HSPG2: variants seen among roughly 807,000 people sequenced by gnomAD.
HSPG2 encodes the protein basement membrane-specific heparan sulfate proteoglycan core protein.
Under a neutral mutation model 526.6 loss-of-function variants are expected in HSPG2, and 278 were observed. The observed-to-expected ratio is 0.53, with a 90% CI of 0.48 to 0.58. The LOEUF (loss-of-function observed/expected upper bound fraction) is 0.58, where lower values mean the gene tolerates loss of function less well. Ranked by LOEUF, HSPG2 falls within the 20% of genes least tolerant of loss-of-function variation. The probability of loss-of-function intolerance (pLI) is 0.00; values close to 1 mark genes in which losing one functional copy is unlikely to be tolerated. For missense variants in HSPG2, 5,354 were observed against 6,099.5 expected (o/e 0.88, Z 4.07); for synonymous variants, 2,465 against 2,555.4 (o/e 0.96, Z 1.07).
At chr1:21,924,214 G>A (rs549282469) in intron 1 of HSPG2, among the ~76,000 whole-genome samples, 44 of 152,326 alleles carry the variant, frequency 2.9e-4, no homozygotes, top group African/African-American at 1.1e-3. Context: ...GCAGGGAATA[G>A]CCAGGCGCAG....
chr1:21,877,996 C>G (rs1641214026), intron 21 of HSPG2, among the ~76,000 whole-genome samples, 190 bp downstream of exon 21: 1 of 152,262 alleles, frequency 6.6e-6, no homozygotes, highest in Admixed American at 6.5e-5. Context: ...GACTCCCTAA[C>G]CAGTGCTCCT....
Position 21,857,185 on chromosome 1 carries a change from T to A in HSPG2, c.5405A>T (p.Tyr1802Phe). 1 of 1,614,052 alleles carries A rather than the reference T, an allele frequency of 6.2e-7. No homozygotes were observed. The highest frequency in any genetic ancestry group is 8.5e-7 in the Non-Finnish European group (1 of 1,180,006). The change falls in exon 44 of 97, where the codon TAT becomes TTT. Residue 1802 changes from tyrosine (Y) to phenylalanine (F), a missense_variant. Transcript: ENST00000374695. ...GTGCAGGCGGGTCCACACCAGGGTATAGGCTGGGGACTGCAGGGCAAGGCG... is the reference window on the plus strand; with the variant it reads ...GTGCAGGCGGGTCCACACCAGGGTAAAGGCTGGGGACTGCAGGGCAAGGCG... The part of the protein sequence containing the change: ...ICTAKSKSPA[Y>F]TLVWTRLHNG...
At position 21,872,080 on chromosome 1, in the gene HSPG2, C is replaced by A. The variant is rs986215305; in HGVS notation, c.4221+106G>T. On this transcript the variant is annotated intron_variant, in intron 33 of 96. Coordinates refer to ENST00000374695, the MANE Select transcript of HSPG2 (RefSeq NM_005529.7). This position sits in a 1 kb window ranked among gnomAD's most constrained non-coding sequence, Gnocchi z 5.5. ...GGGACTGCAAAAGCCACGTGCCTAA[C>A]CACGATATGGCCATGCAGGTGGCAG... 35 of 1,274,496 alleles carry A rather than the reference C, an allele frequency of 2.7e-5. No individual in the cohort carries two copies. The African/African-American group carries it at 4.3e-4, about 16-fold the overall frequency. The allele number at this position is 1,274,496 out of a possible 1,614,324, so 78.9% of individuals were successfully genotyped here. A position where few individuals can be genotyped will look rare whatever the true frequency, so the allele number is the denominator to read the frequency against.
Position 21,847,982 on chromosome 1 carries a change from T to C in HSPG2, c.7849A>G (p.Ile2617Val). The C allele has an allele frequency of 6.2e-7, 1 of 1,613,666 alleles. No homozygotes were observed. Among genetic ancestry groups the C allele is most frequent in the Non-Finnish European group, 8.5e-7 (1 of 1,179,992 alleles). Residue 2617 changes from isoleucine to valine, a missense_variant, in exon 60 of 97, where the codon ATC (isoleucine) becomes GTC (valine). By Grantham distance (29) the Ile-to-Val change is conservative (BLOSUM62 3). Coordinates refer to ENST00000374695, the MANE Select transcript of HSPG2 (RefSeq NM_005529.7). The surrounding 1 kb of genome is among the most constrained non-coding windows in gnomAD (Gnocchi z 4.1). ...CCGTGGGAGGAACCGCTGCCCTGGA[T>C]GGTGACGATGAGCGAGGTCTCCCGG... Reference protein sequence around the residue: ...GSRETSLIVTIQGSGSSHVPS... With the variant: ...GSRETSLIVTVQGSGSSHVPS...
chr1:21,847,604 G>T lies in HSPG2; in HGVS notation c.8025+85C>A. 1 of 1,605,440 alleles carries T rather than the reference G, an allele frequency of 6.2e-7. No individual in the cohort carries two copies. The highest frequency in any genetic ancestry group is 1.1e-5 in the South Asian group (1 of 90,806). On this transcript the variant is annotated intron_variant, in intron 61 of 96. Transcript: ENST00000374695. The surrounding 1 kb of genome is among the most constrained non-coding windows in gnomAD (Gnocchi z 4.1). The stretch of plus-strand genomic sequence containing the variant: ...TTGAGGCTGCTATCGGTCTACCCAG[G>T]GCCCAATCCGTGAGACAGGGAGCCT...
chr1:21,874,812 G>T, intron 26 of HSPG2, 79 bp downstream of exon 26: 1 of 1,506,184 alleles, frequency 6.6e-7, no homozygotes, highest in Non-Finnish European at 9.1e-7. Context: ...GGGCTGGGGA[G>T]GTGTGGAGGG....
chr1:21,924,436 G>GCAC (rs1644130171), intron 1 of HSPG2, among the ~76,000 whole-genome samples: 1 of 152,188 alleles, frequency 6.6e-6, no homozygotes, highest in African/African-American at 2.4e-5. Context: ...GATATGGTGG[G>GCAC]CTCCTTGAGG....
intron 37 of HSPG2, among the ~76,000 whole-genome samples, chr1:21,863,136 G>C (rs997176050): frequency 1.4e-5 from 2 of 147,536 alleles, no homozygotes; most frequent in African/African-American, 5.0e-5. Context: ...ACTTTGGGAG[G>C]CCAAGGCGGG....
rs777522811 is a variant in HSPG2 at position 21,848,995 on chromosome 1, G to A, written c.7483C>T (p.Pro2495Ser). ...CACACGTACTCCCCTGAATCAGCTG[G>A]GGTCACCTGGAGCAGGCGTAGCCTC... ...GSRLRLLQVTPADSGEYVCRV... is the reference protein window; with the variant it reads ...GSRLRLLQVTSADSGEYVCRV... The change falls in exon 58 of 97, where the codon CCA becomes TCA. Residue 2495 changes from proline (P) to serine (S), a missense_variant. By Grantham distance (74) the Pro-to-Ser change is moderately conservative (BLOSUM62 -1). Transcript: ENST00000374695. The surrounding 1 kb of genome is among the most constrained non-coding windows in gnomAD (Gnocchi z 4.9). The A allele has an allele frequency of 6.2e-7, 1 of 1,614,034 alleles. No individual in the cohort carries two copies. Among genetic ancestry groups the A allele is most frequent in the East Asian group, 2.2e-5 (1 of 44,880 alleles).
rs1457346790 is a variant in HSPG2 at position 21,887,743 on chromosome 1, C to T, written c.704-69G>A. On this transcript the variant is annotated intron_variant, in intron 7 of 96. Coordinates refer to ENST00000374695, the MANE Select transcript of HSPG2 (RefSeq NM_005529.7). The surrounding 1 kb of genome is among the most constrained non-coding windows in gnomAD (Gnocchi z 5.0). ...CCTCACCTGCTCCTTGTCCCCAACC[C>T]TCCCCAGGCCCACCCTGTACTCCCC... 1.9e-5 allele frequency: 31 copies of T among 1,605,692 alleles called. No homozygotes were observed. Among genetic ancestry groups the T allele is most frequent in the Non-Finnish European group, 2.5e-5 (29 of 1,173,264 alleles).
chr1:21,907,423 T>C (rs1643437756), intron 1 of HSPG2, among the ~76,000 whole-genome samples: 1 of 152,174 alleles, frequency 6.6e-6, no homozygotes, highest in African/African-American at 2.4e-5. Context: ...CCCTAGGTCA[T>C]GGCTCTCCAG....
At chr1:21,873,562 G>A (rs992042872) in intron 29 of HSPG2, 138 bp from the exon 30 acceptor site, 13 of 920,966 alleles carry the variant, frequency 1.4e-5, no homozygotes, top group African/African-American at 9.9e-5. Context: ...ATGTTACGGG[G>A]AAACTGGGCA....
intron 3 of HSPG2, among the ~76,000 whole-genome samples, chr1:21,891,143 G>T (rs1642329813): frequency 6.6e-6 from 1 of 152,156 alleles, no homozygotes; most frequent in South Asian, 2.1e-4. Flanking sequence ...GCCCTGGCTG[G>T]GGTAGAGACC....
rs763482207 is a variant in HSPG2 at position 21,824,822 on chromosome 1, C to A, written c.12590-43G>T. Reference sequence around the variant, plus strand: ...GTGGTGCCATACCTGCTGCATCAGGCATCAAAATCCCCCGTCAGTTCCCCT... The same window carrying A: ...GTGGTGCCATACCTGCTGCATCAGGAATCAAAATCCCCCGTCAGTTCCCCT... On this transcript the variant is annotated intron_variant, in intron 91 of 96. Transcript: ENST00000374695. The surrounding 1 kb of genome is among the most constrained non-coding windows in gnomAD (Gnocchi z 5.9). 2 of 1,551,080 alleles carry A rather than the reference C, an allele frequency of 1.3e-6. No homozygotes were observed. Among genetic ancestry groups the A allele is most frequent in the African/African-American group, 2.7e-5 (2 of 73,458 alleles).
intron 1 of HSPG2, among the ~76,000 whole-genome samples, chr1:21,905,177 A>C (rs397833421): frequency 2.1e-5 from 3 of 145,360 alleles, no homozygotes; most frequent in African/African-American, 7.6e-5. Context: ...CCACCCACAC[A>C]CACACACACA....
chr1:21,933,016 C>G (rs1381365946), intron 1 of HSPG2, among the ~76,000 whole-genome samples: 2 of 152,000 alleles, frequency 1.3e-5, no homozygotes, highest in East Asian at 3.9e-4. Context: ...CCCAGGAGTT[C>G]GAGACCTGCC....
At chr1:21,922,864 T>C (rs981986554) in intron 1 of HSPG2, among the ~76,000 whole-genome samples, 1 of 152,102 alleles carries the variant, frequency 6.6e-6, no homozygotes, top group Non-Finnish European at 1.5e-5. Flanking sequence ...CCTCGACCCC[T>C]ACCAGGGAGG....
At position 21,878,196 on chromosome 1, in the gene HSPG2, C is replaced by G. The variant is rs781183475; in HGVS notation, c.2675G>C (p.Cys892Ser). The G allele has an allele frequency of 6.2e-7, 1 of 1,613,410 alleles. No individual in the cohort carries two copies. The highest frequency in any genetic ancestry group is 1.3e-5 in the African/African-American group (1 of 74,944). The change falls in exon 21 of 97, where the codon TGC becomes TCC. Residue 892 changes from cysteine (C) to serine (S), a missense_variant. Physicochemically the swap from Cys to Ser is moderately radical, Grantham distance 112 (BLOSUM62 -1). Coordinates refer to ENST00000374695, the MANE Select transcript of HSPG2 (RefSeq NM_005529.7). ...AGATGGCACGCGTACCTTACAGCGG[C>G]AGGCCTCCCCGGAGGTCCCCATGCT... ...RGSMGTSGEA[C>S]RCKNNVVGRL...
At chr1:21,832,681 C>A in intron 80 of HSPG2, 75 bp from the exon 81 acceptor site, 1 of 1,135,780 alleles carries the variant, frequency 8.8e-7, no homozygotes, top group Non-Finnish European at 1.3e-6. Flanking sequence ...TAGAAACCAC[C>A]CAAGCTCTTG....
Sources: gnomAD v4.1 joint callset for allele counts (sites outside exome capture counted in the v4.1 genomes callset) on GRCh38, gnomAD v4.1.1 for gene constraint, Gnocchi (gnomAD v3.1) non-coding constraint, MANE v1.5 for transcripts, NCBI Gene and HGNC (gene_info 2026-07-23, HGNC 2026-07-21) for gene names.